Variants in KAT6B observed in about 807,000 individuals in gnomAD.
The protein encoded by KAT6B is lysine acetyltransferase 6B.
Under a neutral mutation model 187.5 loss-of-function variants are expected in KAT6B, and 10 were observed. The observed-to-expected ratio is 0.05, with a 90% confidence interval of 0.03 to 0.09. KAT6B has a LOEUF of 0.09. Ranked by LOEUF, KAT6B falls within the 10% of genes least tolerant of loss-of-function variation. KAT6B has a pLI of 1.00. For synonymous variants in KAT6B, 861 were observed against 926.8 expected (o/e 0.93, Z 1.29); for missense variants, 1,952 against 2,558.9 (o/e 0.76, Z 5.12).
rs879566374 is a variant in KAT6B at position 74,981,310 on chromosome 10, C to T, written c.2232-477C>T. Among the ~76,000 whole-genome samples, 29 of 141,236 alleles carry T rather than the reference C, an allele frequency of 2.1e-4. 1 individual carries two copies. Among genetic ancestry groups the T allele is most frequent in the South Asian group, 4.6e-4 (2 of 4,330 alleles). The allele number at this position is 141,236 out of a possible 152,430, so 92.7% of individuals were successfully genotyped here. The stretch of plus-strand genomic sequence containing the variant: ...GGCTGGCTTTCTTTCTTTCTTTCTT[C>T]CTTCCTTCCTTCCTTCCTTCCTTCC... On this transcript the variant is annotated intron_variant, in intron 10 of 17. Coordinates refer to ENST00000287239, the MANE Select transcript of KAT6B (RefSeq NM_012330.4).
At chr10:74,975,300 A>T in intron 7 of KAT6B, 99 bp from the exon 8 acceptor site, 1 of 940,376 alleles carries the variant, frequency 1.1e-6, no homozygotes, top group Non-Finnish European at 1.7e-6. Context: ...TCTTAAGTTT[A>T]AGCCCATTGA....
intron 3 of KAT6B, among the ~76,000 whole-genome samples, chr10:74,855,096 T>C (rs1250867458): frequency 2.0e-5 from 3 of 152,198 alleles, no homozygotes; most frequent in Admixed American, 1.3e-4. Context: ...GGAGAGGTAA[T>C]TGAGATATCA....
intron 11 of KAT6B, chr10:74,982,191 C>T (rs1842553880): frequency 4.7e-6 from 2 of 429,044 alleles, no homozygotes; most frequent in Admixed American, 3.6e-5. Context: ...ATATATTCAC[C>T]ATGAATTTAT....
Position 75,021,965 on chromosome 10 carries a change from C to A in KAT6B, c.3106C>A (p.Pro1036Thr), listed in dbSNP as rs764184204. 6.8e-6 allele frequency: 11 copies of A among 1,614,168 alleles called. No individual in the cohort carries two copies. The Admixed American group carries it at 1.8e-4, about 27-fold the overall frequency. Residue 1036 changes from proline to threonine, a missense_variant, in exon 16 of 18, where the codon CCT (proline) becomes ACT (threonine). Around this residue, in one of 9 missense-constraint regions of KAT6B, gnomAD observed 758 missense variants for 891.4 expected, o/e 0.85. Transcript: ENST00000287239. ...LSTRANSRQS[P>T]AKVQSKNKYL... ...AACTAGAGCTAACAGTAGGCAATCA[C>A]CTGCAAAAGTACAATCGAAAAATAA...
intron 3 of KAT6B, among the ~76,000 whole-genome samples, chr10:74,931,457 A>C (rs181017161): frequency 6.6e-6 from 1 of 152,240 alleles, no homozygotes; most frequent in Non-Finnish European, 1.5e-5. Flanking sequence ...TTACCCTTCT[A>C]TTGATGATTT....
chr10:74,862,062 C>G (rs1741622135), intron 3 of KAT6B, among the ~76,000 whole-genome samples: 1 of 152,172 alleles, frequency 6.6e-6, no homozygotes, highest in Non-Finnish European at 1.5e-5. Context: ...AATTCCTTTG[C>G]TTATTTCTTC....
intron 3 of KAT6B, among the ~76,000 whole-genome samples, chr10:74,923,297 T>G (rs146656083): frequency 6.6e-6 from 1 of 152,300 alleles, no homozygotes; most frequent in Non-Finnish European, 1.5e-5. Context: ...CACTATTTCT[T>G]GAGCACCTGG....
chr10:74,981,323 CTTCCT>C (rs1842497898), intron 10 of KAT6B, among the ~76,000 whole-genome samples: 1 of 147,870 alleles, frequency 6.8e-6, no homozygotes, highest in Non-Finnish European at 1.5e-5. Context: ...TCCTTCCTTC[CTTCCT>C]TCCTTCCTTC....
rs142474221 is a variant in KAT6B, at chr10:74,939,651, G to A, written c.622-20319G>A. 1.0e-2 allele frequency among the ~76,000 whole-genome samples: 1,514 copies of A among 152,154 alleles called. 10 individuals are homozygous for A. The highest frequency in any genetic ancestry group is 0.017 in the Non-Finnish European group (1,160 of 67,982). ...TCTGACCTTGTGATTCGCCCGCCTCGGCCTCCCAAAGTGCTGGGATTACAG... is the reference window on the plus strand; with the variant it reads ...TCTGACCTTGTGATTCGCCCGCCTCAGCCTCCCAAAGTGCTGGGATTACAG... On this transcript the variant is annotated intron_variant, in intron 3 of 17. Transcript: ENST00000287239.
intron 1 of KAT6B, among the ~76,000 whole-genome samples, chr10:74,827,656 CCTG>C (rs1401453067): frequency 1.3e-5 from 2 of 151,474 alleles, no homozygotes; most frequent in Admixed American, 6.6e-5. Flanking sequence ...CAGAAAATCT[CCTG>C]GGGACAAGGG....
rs374914802 is a variant in KAT6B, at chr10:75,030,607, A to G, written c.5783A>G (p.Lys1928Arg). The change falls in exon 18 of 18, where the codon AAG becomes AGG. Residue 1928 changes from lysine to arginine, a missense_variant. Around this residue, in one of 9 missense-constraint regions of KAT6B, gnomAD observed 358 missense variants for 436.3 expected, o/e 0.82. Coordinates refer to ENST00000287239, the MANE Select transcript of KAT6B (RefSeq NM_012330.4). The surrounding 1 kb of genome is among the most constrained non-coding windows in gnomAD (Gnocchi z 4.8). ...ASKGHISMRT[K>R]SASLSPAAAT... The stretch of plus-strand genomic sequence containing the variant: ...AAGGGCCACATCTCCATGAGAACCA[A>G]GTCAGCGTCTCTGTCACCAGCCGCT... 2.7e-5 allele frequency: 44 copies of G among 1,612,790 alleles called. No homozygotes were observed. Among genetic ancestry groups the G allele is most frequent in the Non-Finnish European group, 5.1e-6 (6 of 1,178,856 alleles).
At chr10:74,912,414 A>AGGTAGATAGAT (rs1564559276) in intron 3 of KAT6B, among the ~76,000 whole-genome samples, 1 of 57,600 alleles carries the variant, frequency 1.7e-5, no homozygotes, top group African/African-American at 5.3e-5. Context: ...GATAGATAGA[A>AGGTAGATAGAT]AGATAGATGA....
intron 3 of KAT6B, among the ~76,000 whole-genome samples, chr10:74,889,047 G>A (rs1255788692): frequency 6.6e-6 from 1 of 152,070 alleles, no homozygotes; most frequent in Non-Finnish European, 1.5e-5. Flanking sequence ...AACTCTTGGT[G>A]AAGCATAGTG....
chr10:74,873,979 T>G (rs1844208059), intron 3 of KAT6B, among the ~76,000 whole-genome samples: 1 of 152,086 alleles, frequency 6.6e-6, no homozygotes, highest in African/African-American at 2.4e-5. Context: ...GAATTGTCTC[T>G]CATTAATTGA....
chr10:75,025,197 G>A lies in KAT6B; in HGVS notation c.3612G>A (p.Glu1204=). 1 of 1,614,156 alleles carries A rather than the reference G, an allele frequency of 6.2e-7. No homozygotes were observed. The highest frequency in any genetic ancestry group is 1.6e-4 in the Middle Eastern group (1 of 6,062). Residue 1204 remains glutamate (E), a synonymous_variant, in exon 17 of 18, where the codon GAG becomes GAA. Coordinates refer to ENST00000287239, the MANE Select transcript of KAT6B (RefSeq NM_012330.4). ...AGCCTGGGAAGAAAAGACAAACAGA[G>A]GAAGAGGAAGGAAAAGACAATCATT... ...QHQPGKKRQT[E]EEEGKDNHCF...
At chr10:74,847,996 G>C (rs895987057) in intron 3 of KAT6B, among the ~76,000 whole-genome samples, 1 of 146,914 alleles carries the variant, frequency 6.8e-6, no homozygotes, top group Admixed American at 6.9e-5. Context: ...ATGGCCCACT[G>C]CAACCTCTGT....
intron 3 of KAT6B, among the ~76,000 whole-genome samples, chr10:74,857,461 C>A (rs960057835): frequency 6.6e-6 from 1 of 152,106 alleles, no homozygotes; most frequent in African/African-American, 2.4e-5. Context: ...AGTTTTTCAG[C>A]TTTTAAAGGA....
At chr10:75,003,069 T>C (rs1041303834) in intron 13 of KAT6B, 2 of 152,262 alleles carry the variant, frequency 1.3e-5, no homozygotes, top group Admixed American at 6.5e-5. Flanking sequence ...CAAATGATGC[T>C]AGGTATGCCC....
intron 3 of KAT6B, among the ~76,000 whole-genome samples, chr10:74,888,162 A>G (rs1845418103): frequency 6.6e-6 from 1 of 152,194 alleles, no homozygotes; most frequent in Admixed American, 6.5e-5. Flanking sequence ...GCCAGAACCC[A>G]GTGGAGTTTG....
Sources: allele counts gnomAD v4.1 joint callset (sites outside exome capture counted in the v4.1 genomes callset), GRCh38; gene constraint gnomAD v4.1.1; regional missense constraint gnomAD v4.1.1; non-coding constraint Gnocchi (gnomAD v3.1); transcripts MANE v1.5; gene names NCBI Gene and HGNC (gene_info 2026-07-23, HGNC 2026-07-21).